TTC22: variants seen among roughly 807,000 people sequenced by gnomAD.
TTC22 encodes the protein tetratricopeptide repeat domain 22, also known as tetratricopeptide repeat protein 22.
Under a neutral mutation model 48.2 loss-of-function variants are expected in TTC22, and 42 were observed. That is an observed-to-expected ratio of 0.87 (90% confidence interval 0.68 to 1.13). The LOEUF (loss-of-function observed/expected upper bound fraction) is 1.13, where lower values mean the gene tolerates loss of function less well. Among genes scored for constraint, TTC22 ranks in the 50% most tolerant of loss-of-function variants. The pLI, the probability that TTC22 is intolerant of heterozygous loss-of-function variation, is 0.00. For synonymous variants in TTC22, 345 were observed against 365.5 expected (o/e 0.94, Z 0.64); for missense variants, 784 against 807.0 (o/e 0.97, Z 0.34).
intron 2 of TTC22, 40 bp downstream of exon 2, chr1:54,788,002 C>A: frequency 6.2e-7 from 1 of 1,601,680 alleles, no homozygotes; most frequent in Non-Finnish European, 8.6e-7. Context: ...CCACACCTCT[C>A]CCTCTTCCAT....
In TTC22 at chr1:54,781,273, C is replaced by G. The variant is rs1429152883; in HGVS notation, c.1680G>C (p.Ala560=). ...ATGAGACAGCCCGGCGGTCCCGCGG[C>G]GCGCTGGCGCCCTCGCCCTCGCGCT... ...TMEREGEGAS[A]PRDRRAVSF Residue 560 remains alanine, a synonymous_variant, in exon 7 of 7, where the codon GCG becomes GCC. Coordinates refer to ENST00000371276, the MANE Select transcript of TTC22 (RefSeq NM_001114108.2). The G allele has an allele frequency of 6.8e-7, 1 of 1,477,274 alleles. No homozygotes were observed. The highest frequency in any genetic ancestry group is 8.9e-7 in the Non-Finnish European group (1 of 1,122,272). The allele number at this position is 1,477,274 out of a possible 1,614,324, so 91.5% of individuals were successfully genotyped here. A position where few individuals can be genotyped will look rare whatever the true frequency, so the allele number is the denominator to read the frequency against.
intron 4 of TTC22, 60 bp from the exon 5 acceptor site, chr1:54,786,204 A>G: frequency 6.5e-7 from 1 of 1,539,994 alleles, no homozygotes; most frequent in Non-Finnish European, 8.9e-7. Context: ...AGAGCTGGCT[A>G]AACAGTGCTG....
intron 1 of TTC22, among the ~76,000 whole-genome samples, chr1:54,790,936 C>T (rs1330975417): frequency 2.6e-5 from 4 of 152,070 alleles, no homozygotes; most frequent in Non-Finnish European, 4.4e-5. Flanking sequence ...GATCTCAGCT[C>T]ACTGCAACAT....
intron 1 of TTC22, among the ~76,000 whole-genome samples, chr1:54,797,270 T>G (rs1457779442): frequency 9.8e-6 from 1 of 102,550 alleles, no homozygotes; most frequent in Non-Finnish European, 2.2e-5. Context: ...GTGTAAGAGA[T>G]GGCGTGTGTA....
chr1:54,801,320 A>AGGTG lies in TTC22; in HGVS notation c.-158_-157insCACC, dbSNP rs1376248171. 6 of 714,116 alleles carry AGGTG rather than the reference A, an allele frequency of 8.4e-6. No individual in the cohort carries two copies. The highest frequency in any genetic ancestry group is 1.1e-5 in the Non-Finnish European group (5 of 436,162). The allele number at this position is 714,116 out of a possible 1,614,324, so 44.2% of individuals were successfully genotyped here. Reference sequence around the variant, plus strand: ...CTCTCGGTCTCAGGGCGCCTCCCGCAGGTGGGTGGGCCCGAGGAGTGCCCT... The same window carrying AGGTG: ...CTCTCGGTCTCAGGGCGCCTCCCGCAGGTGGGTGGGTGGGCCCGAGGAGTGCCCT... On this transcript the variant is annotated 5_prime_UTR_variant, in exon 1 of 7. Transcript: ENST00000371276.
chr1:54,787,144 A>C (rs1194073817), intron 3 of TTC22, 69 bp from the exon 4 acceptor site: 4 of 764,586 alleles, frequency 5.2e-6, no homozygotes, highest in Middle Eastern at 3.7e-4. Context: ...GGCCATCCCC[A>C]TCCTAGGTGT....
At position 54,800,880 on chromosome 1, in the gene TTC22, T is replaced by A; in HGVS notation, c.284A>T (p.Glu95Val). 6.2e-7 allele frequency: 1 copy of A among 1,610,664 alleles called. No homozygotes were observed. The highest frequency in any genetic ancestry group is 8.5e-7 in the Non-Finnish European group (1 of 1,179,390). Residue 95 changes from glutamate (E) to valine (V), a missense_variant, in exon 1 of 7, where the codon GAG (glutamate) becomes GTG (valine). By Grantham distance (121) the Glu-to-Val change is moderately radical. Transcript: ENST00000371276. ...CCAGGCATTGAGGTTGCCCGGGTGC[T>A]CGTGGGCCACCTCGAGGAAGCACTC... is the stretch of plus-strand genomic sequence containing the variant. ...ARECFLEVAH[E>V]HPGNLNAWAN...
intron 1 of TTC22, among the ~76,000 whole-genome samples, chr1:54,797,563 G>T (rs1315699481): frequency 6.6e-6 from 1 of 152,108 alleles, no homozygotes; most frequent in Non-Finnish European, 1.5e-5. Flanking sequence ...TGAGAGAATT[G>T]CTTGAACCCG....
chr1:54,795,076 C>A (rs1646380347), intron 1 of TTC22, among the ~76,000 whole-genome samples: 1 of 152,228 alleles, frequency 6.6e-6, no homozygotes, highest in African/African-American at 2.4e-5. Context: ...CCACACCCAG[C>A]TGTGGGTGGT....
Position 54,788,107 on chromosome 1 carries a change from C to G in TTC22, c.568-10G>C. 1 of 1,613,786 alleles carries G rather than the reference C, an allele frequency of 6.2e-7. No individual in the cohort carries two copies. Among genetic ancestry groups the G allele is most frequent in the Non-Finnish European group, 8.5e-7 (1 of 1,179,702 alleles). On this transcript the variant is annotated splice_polypyrimidine_tract_variant and intron_variant, in intron 1 of 6. Coordinates refer to ENST00000371276, the MANE Select transcript of TTC22 (RefSeq NM_001114108.2). The stretch of plus-strand genomic sequence containing the variant: ...TCTCCTCCATCGGGATCTAGGGAAA[C>G]AGAGAACAGCCCACACTGCCATTAC...
At chr1:54,789,896 C>T (rs1343908137) in intron 1 of TTC22, among the ~76,000 whole-genome samples, 1 of 152,206 alleles carries the variant, frequency 6.6e-6, no homozygotes, top group Non-Finnish European at 1.5e-5. Context: ...GATGGGACAT[C>T]AAGTGCAAAA....
chr1:54,785,604 G>C, intron 5 of TTC22: 1 of 444,110 alleles, frequency 2.3e-6, no homozygotes, highest in South Asian at 1.6e-5. Context: ...TTGAGCCCAG[G>C]AGTTTGAGAC....
chr1:54,787,928 G>A, intron 2 of TTC22, 102 bp from the exon 3 acceptor site: 1 of 1,478,020 alleles, frequency 6.8e-7, no homozygotes. Context: ...GGCGGTTTGG[G>A]GAGCCCTTTC....
At chr1:54,793,807 CAA>C (rs1239059142) in intron 1 of TTC22, among the ~76,000 whole-genome samples, 2 of 152,152 alleles carry the variant, frequency 1.3e-5, no homozygotes, top group African/African-American at 4.8e-5. Context: ...GTTATTCTCC[CAA>C]GTTTACAGAT....
chr1:54,785,977 A>C lies in TTC22; in HGVS notation c.1020+6T>G, dbSNP rs751152241. ...CAGGGTATGGTGGGGCAGGAAGTTG[A>C]CCCACCTTGGCCCTTGTGCAGTACG... On this transcript the variant is annotated splice_donor_region_variant and intron_variant, in intron 5 of 6. Coordinates refer to ENST00000371276, the MANE Select transcript of TTC22 (RefSeq NM_001114108.2). The C allele has an allele frequency of 8.1e-6, 13 of 1,608,356 alleles. No individual in the cohort carries two copies. The East Asian group carries it at 2.9e-4, about 36-fold the overall frequency.
At chr1:54,797,390 C>T (rs763649271) in intron 1 of TTC22, among the ~76,000 whole-genome samples, 7 of 152,102 alleles carry the variant, frequency 4.6e-5, no homozygotes, top group Non-Finnish European at 1.0e-4. Flanking sequence ...TGGCTGGGCG[C>T]GGTGGCTCAG....
rs1219075398 is a variant in TTC22, at chr1:54,800,749, C to A, written c.415G>T (p.Ala139Ser). The A allele has an allele frequency of 1.9e-6, 3 of 1,546,080 alleles. No homozygotes were observed. The Admixed American group carries it at 5.8e-5, about 30-fold the overall frequency. Residue 139 changes from alanine to serine, a missense_variant, in exon 1 of 7, where the codon GCC becomes TCC. Ala to Ser is a moderately conservative substitution (Grantham distance 99). Coordinates refer to ENST00000371276, the MANE Select transcript of TTC22 (RefSeq NM_001114108.2). ...LMGLAEEPEA[A>S]GDPQLRAARC... ...GCGGCGCGGAGCTGGGGGTCCCCGG[C>A]GGCCTCGGGCTCCTCTGCCAGGCCC...
chr1:54,785,545 C>T, intron 5 of TTC22: 1 of 452,834 alleles, frequency 2.2e-6, no homozygotes, highest in Non-Finnish European at 4.4e-6. Context: ...GGTGTAGTGG[C>T]TCACACCTGG....
chr1:54,786,612 C>G (rs918865852), intron 4 of TTC22: 1 of 270,190 alleles, frequency 3.7e-6, no homozygotes, highest in African/African-American at 2.2e-5. Context: ...ATGGGCAGGG[C>G]TGGCAAGGAG....
Sources: gnomAD v4.1 joint callset for allele counts (sites outside exome capture counted in the v4.1 genomes callset) on GRCh38, gnomAD v4.1.1 for gene constraint, MANE v1.5 for transcripts, NCBI Gene and HGNC (gene_info 2026-07-23, HGNC 2026-07-21) for gene names.